The following GRM8 variants were observed in gnomAD, a reference collection of about 807,000 sequenced individuals.
The protein encoded by GRM8 is metabotropic glutamate receptor 8.
A neutral mutation model predicts 87.2 loss-of-function variants in GRM8; 47 were observed. The ratio of observed to expected loss-of-function variants is 0.54; its 90% CI spans 0.43 to 0.69. The LOEUF (loss-of-function observed/expected upper bound fraction) is 0.69. Among genes scored for constraint, GRM8 ranks in the 30% least tolerant of loss-of-function variants. The pLI is 0.00. For synonymous variants in GRM8, 396 were observed against 404.5 expected (o/e 0.98, Z 0.25); for missense variants, 1,019 against 1,139.2 (o/e 0.89, Z 1.52).
intron 9 of GRM8, among the ~76,000 whole-genome samples, chr7:126,485,112 A>T (rs1807200025): frequency 6.6e-6 from 1 of 152,096 alleles, no homozygotes; most frequent in African/African-American, 2.4e-5. Context: ...TTATGCAAGC[A>T]TTATTGAGCA....
At chr7:127,197,703 T>G (rs188278610) in intron 2 of GRM8, among the ~76,000 whole-genome samples, 1 of 152,288 alleles carries the variant, frequency 6.6e-6, no homozygotes, top group East Asian at 1.9e-4. Flanking sequence ...CCCATTTGTT[T>G]GTGAGAACAA....
intron 3 of GRM8, among the ~76,000 whole-genome samples, chr7:127,036,710 T>C (rs1438161606): frequency 6.6e-6 from 1 of 152,164 alleles, no homozygotes; most frequent in Non-Finnish European, 1.5e-5. Flanking sequence ...GTAAGGACAC[T>C]GCTTGTTACG....
intron 7 of GRM8, among the ~76,000 whole-genome samples, chr7:126,640,218 C>T (rs1802237303): frequency 6.6e-6 from 1 of 151,996 alleles, no homozygotes; most frequent in South Asian, 2.1e-4. Flanking sequence ...CCTATGATAG[C>T]CTTTAGTGCA....
intron 7 of GRM8, among the ~76,000 whole-genome samples, chr7:126,687,256 A>T (rs1808286189): frequency 6.6e-6 from 1 of 152,172 alleles, no homozygotes; most frequent in Non-Finnish European, 1.5e-5. Context: ...GATTTTTTAA[A>T]ATCATTTTCA....
chr7:126,481,049 T>C (rs1292893807), intron 9 of GRM8, among the ~76,000 whole-genome samples: 3 of 152,022 alleles, frequency 2.0e-5, no homozygotes, highest in Non-Finnish European at 4.4e-5. Context: ...AGGTCAAAGC[T>C]AAAAAATTTG....
At chr7:127,169,368 T>C (rs567498619) in intron 2 of GRM8, among the ~76,000 whole-genome samples, 1 of 152,324 alleles carries the variant, frequency 6.6e-6, no homozygotes, top group African/African-American at 2.4e-5. Flanking sequence ...TCTTCAATTC[T>C]ATGATGGCTG....
At chr7:127,181,539 G>A (rs1036688325) in intron 2 of GRM8, among the ~76,000 whole-genome samples, 18 of 151,898 alleles carry the variant, frequency 1.2e-4, no homozygotes, top group African/African-American at 4.1e-4. Flanking sequence ...AATAGCCAAA[G>A]CAAGACTAAG....
chr7:127,092,037 C>A (rs1466333195), intron 3 of GRM8, among the ~76,000 whole-genome samples: 1 of 122,566 alleles, frequency 8.2e-6, no homozygotes, highest in Non-Finnish European at 1.8e-5. Flanking sequence ...GTCATCCCCC[C>A]GTCCCACTGG....
At chr7:126,739,852 A>G (rs1814739068) in intron 7 of GRM8, among the ~76,000 whole-genome samples, 2 of 152,108 alleles carry the variant, frequency 1.3e-5, no homozygotes, top group African/African-American at 2.4e-5. Flanking sequence ...TGTGTATCTA[A>G]TACTAATACA....
chr7:126,464,872 T>A (rs1458681174), intron 9 of GRM8, among the ~76,000 whole-genome samples: 2 of 151,758 alleles, frequency 1.3e-5, no homozygotes, highest in South Asian at 2.1e-4. Flanking sequence ...AAAGTTGTTG[T>A]AGTTGTTATT....
chr7:126,466,947 T>C (rs6467082), intron 9 of GRM8, among the ~76,000 whole-genome samples: 87,519 of 151,850 alleles, frequency 0.58, 26,036 homozygotes, highest in African/African-American at 0.73. Flanking sequence ...ACTGCATTGG[T>C]TTTGAATTTC....
chr7:127,085,945 A>T (rs1823426967), intron 3 of GRM8, among the ~76,000 whole-genome samples: 1 of 152,148 alleles, frequency 6.6e-6, no homozygotes, highest in African/African-American at 2.4e-5. Context: ...TAGGTCTTAC[A>T]TTTAAGTCTT....
chr7:126,441,533 G>A (rs778024668), intron 10 of GRM8, among the ~76,000 whole-genome samples: 37 of 152,038 alleles, frequency 2.4e-4, no homozygotes, highest in Non-Finnish European at 4.7e-4. Flanking sequence ...ATTCTGGAAT[G>A]AATAATCGTA....
At chr7:127,027,512 G>T (rs1027276395) in intron 3 of GRM8, among the ~76,000 whole-genome samples, 2 of 152,034 alleles carry the variant, frequency 1.3e-5, no homozygotes, top group Non-Finnish European at 2.9e-5. Flanking sequence ...TTACTTCATC[G>T]ATCAGTGGTT....
intron 6 of GRM8, among the ~76,000 whole-genome samples, chr7:126,809,783 G>A (rs1406053791): frequency 6.6e-6 from 1 of 152,044 alleles, no homozygotes; most frequent in East Asian, 1.9e-4. Context: ...CCTTCACCTG[G>A]GGAGTGCAAC....
intron 7 of GRM8, among the ~76,000 whole-genome samples, chr7:126,622,287 C>T (rs978722154): frequency 2.6e-5 from 4 of 152,124 alleles, no homozygotes; most frequent in African/African-American, 4.8e-5. Flanking sequence ...TCAGATTTCA[C>T]ATGGACAATC....
chr7:126,748,701 A>G (rs948444682), intron 7 of GRM8, among the ~76,000 whole-genome samples: 5 of 151,798 alleles, frequency 3.3e-5, no homozygotes, highest in Non-Finnish European at 7.4e-5. Context: ...TTTTAAAAAG[A>G]AAAACAAAGA....
chr7:126,805,981 G>A (rs1026432574), intron 6 of GRM8, among the ~76,000 whole-genome samples: 1 of 152,042 alleles, frequency 6.6e-6, no homozygotes, highest in Non-Finnish European at 1.5e-5. Context: ...TTTTGTTTTT[G>A]GGGTCCTGAA....
intron 7 of GRM8, among the ~76,000 whole-genome samples, chr7:126,619,922 G>T (rs1196104121): frequency 1.3e-5 from 2 of 152,084 alleles, no homozygotes; most frequent in Non-Finnish European, 1.5e-5. Context: ...AACTCCTGGG[G>T]TCAAGCAATC....
Sources: gnomAD v4.1 joint callset for allele counts (sites outside exome capture counted in the v4.1 genomes callset) on GRCh38, gnomAD v4.1.1 for gene constraint, MANE v1.5 for transcripts, NCBI Gene and HGNC (gene_info 2026-07-23, HGNC 2026-07-21) for gene names.